COX7B2: variants seen among roughly 807,000 people sequenced by gnomAD.
COX7B2 encodes cytochrome c oxidase subunit 7B2, mitochondrial.
For synonymous variants in COX7B2, 37 were observed against 32.1 expected, an observed-to-expected ratio of 1.15 and a Z score of -0.51; for missense variants, 109 against 95.9, an observed-to-expected ratio of 1.14 and a Z score of -0.57.
intron 2 of COX7B2, among the ~76,000 whole-genome samples, chr4:46,815,175 CAAAAAAAAAAA>C (rs760743513): frequency 2.7e-5 from 2 of 75,034 alleles, no homozygotes; most frequent in Non-Finnish European, 5.4e-5. Flanking sequence ...GACTCTGTCT[CAAAAAAAAAAA>C]AAAAGAAAAA....
At chr4:46,785,552 T>C (rs527753074) in intron 2 of COX7B2, among the ~76,000 whole-genome samples, 59 of 152,278 alleles carry the variant, frequency 3.9e-4, no homozygotes, top group African/African-American at 1.4e-3. Flanking sequence ...TACAGCAATT[T>C]GATGTTTGTG....
chr4:46,847,827 C>G (rs1217984991), intron 1 of COX7B2, among the ~76,000 whole-genome samples: 1 of 151,982 alleles, frequency 6.6e-6, no homozygotes, highest in African/African-American at 2.4e-5. Flanking sequence ...ATTGAATCTT[C>G]TAGAAGCTGA....
At chr4:46,852,126 T>G (rs1348672631) in intron 1 of COX7B2, among the ~76,000 whole-genome samples, 1 of 152,100 alleles carries the variant, frequency 6.6e-6, no homozygotes, top group South Asian at 2.1e-4. Context: ...AAAATTCTAC[T>G]GTGAAAAGGG....
chr4:46,793,720 G>GTGAC, intron 2 of COX7B2, among the ~76,000 whole-genome samples: 1 of 152,326 alleles, frequency 6.6e-6, no homozygotes, highest in South Asian at 2.1e-4. Context: ...ATCTCATCCT[G>GTGAC]TGACTGACTG....
chr4:46,898,598 T>C lies in COX7B2; in HGVS notation c.-105+10562A>G, dbSNP rs371757632. The stretch of plus-strand genomic sequence containing the variant: ...ATGCCTGGCTAATTTTTTATTTTTT[T>C]ATTTTTTGTAGAGGCGGGGTCTTGC... On this transcript the variant is annotated intron_variant, in intron 1 of 2. Coordinates refer to ENST00000355591, the MANE Select transcript of COX7B2 (RefSeq NM_130902.3). Among the ~76,000 whole-genome samples the C allele has an allele frequency of 8.1e-4, 123 of 152,196 alleles. No homozygotes were observed. In the South Asian group the frequency reaches 0.015, roughly 19 times the overall value.
At chr4:46,812,014 G>T (rs1346014695) in intron 2 of COX7B2, among the ~76,000 whole-genome samples, 1 of 152,156 alleles carries the variant, frequency 6.6e-6, no homozygotes, top group East Asian at 1.9e-4. Flanking sequence ...TCACAGTGGG[G>T]AGTCTTAGCT....
chr4:46,757,725 G>A (rs1181500528), intron 2 of COX7B2, among the ~76,000 whole-genome samples: 1 of 152,078 alleles, frequency 6.6e-6, no homozygotes, highest in African/African-American at 2.4e-5. Flanking sequence ...GTTCACTGTT[G>A]TGTAAGTCTG....
At chr4:46,825,799 A>G (rs889720636) in intron 2 of COX7B2, among the ~76,000 whole-genome samples, 4 of 152,196 alleles carry the variant, frequency 2.6e-5, no homozygotes, top group Non-Finnish European at 5.9e-5. Flanking sequence ...CTATTCAATA[A>G]ATGGCGCTGG....
At chr4:46,855,632 C>T (rs1380875111) in intron 1 of COX7B2, among the ~76,000 whole-genome samples, 1 of 151,434 alleles carries the variant, frequency 6.6e-6, no homozygotes, top group Admixed American at 6.6e-5. Context: ...ACAAAAAAAA[C>T]TAAAAAAAAG....
intron 2 of COX7B2, among the ~76,000 whole-genome samples, chr4:46,786,322 T>C (rs2109569461): frequency 6.6e-6 from 1 of 152,354 alleles, no homozygotes; most frequent in East Asian, 1.9e-4. Context: ...GACTTGTACA[T>C]GTGAAACATA....
intron 2 of COX7B2, among the ~76,000 whole-genome samples, chr4:46,842,260 A>G (rs1394536779): frequency 1.3e-5 from 2 of 152,016 alleles, no homozygotes; most frequent in East Asian, 1.9e-4. Flanking sequence ...TGATTCCTCT[A>G]TGCTTTCCCT....
chr4:46,893,250 T>C (rs763681872), intron 1 of COX7B2, among the ~76,000 whole-genome samples: 6 of 152,068 alleles, frequency 3.9e-5, no homozygotes, highest in Non-Finnish European at 7.3e-5. Context: ...TATGTAATAT[T>C]ATATGTCTTT....
intron 2 of COX7B2, among the ~76,000 whole-genome samples, chr4:46,790,678 C>T (rs1717993831): frequency 6.6e-6 from 1 of 152,142 alleles, no homozygotes; most frequent in African/African-American, 2.4e-5. Flanking sequence ...TCCACCTGGA[C>T]TTTAGTATTC....
Position 46,741,177 on chromosome 4 carries a change from C to T in COX7B2, c.-49-5936G>A, listed in dbSNP as rs1714681716. Among the ~76,000 whole-genome samples, 6 of 152,020 alleles carry T rather than the reference C, an allele frequency of 3.9e-5. No homozygotes were observed. In the South Asian group the frequency reaches 1.2e-3, roughly 32 times the overall value. Reference sequence around the variant, plus strand: ...ATGTAATTTCAAGAAGAAAACAAAACAGAGTCCTATTTCTCACATTGCCCA... The same window carrying T: ...ATGTAATTTCAAGAAGAAAACAAAATAGAGTCCTATTTCTCACATTGCCCA... On this transcript the variant is annotated intron_variant, in intron 2 of 2. Coordinates refer to ENST00000355591, the MANE Select transcript of COX7B2 (RefSeq NM_130902.3).
At chr4:46,803,183 G>A (rs547522518) in intron 2 of COX7B2, among the ~76,000 whole-genome samples, 1 of 152,166 alleles carries the variant, frequency 6.6e-6, no homozygotes, top group South Asian at 2.1e-4. Flanking sequence ...GATTCTATGG[G>A]TTGTAGCATT....
chr4:46,829,816 C>T (rs1433122707), intron 2 of COX7B2, among the ~76,000 whole-genome samples: 3 of 151,998 alleles, frequency 2.0e-5, no homozygotes, highest in Admixed American at 6.6e-5. Context: ...CATAAAATAA[C>T]AGCAAAATTA....
At chr4:46,737,382 C>G (rs895006329) in intron 2 of COX7B2, among the ~76,000 whole-genome samples, 2 of 152,094 alleles carry the variant, frequency 1.3e-5, no homozygotes, top group Non-Finnish European at 2.9e-5. Context: ...TTTCTTCAAG[C>G]CTGTGGTTTG....
At chr4:46,840,894 G>C (rs568967060) in intron 2 of COX7B2, among the ~76,000 whole-genome samples, 12 of 152,016 alleles carry the variant, frequency 7.9e-5, no homozygotes, top group African/African-American at 2.9e-4. Flanking sequence ...AGTAGAGCTG[G>C]GTTTTGAAAC....
intron 1 of COX7B2, among the ~76,000 whole-genome samples, chr4:46,858,281 A>T (rs1303079619): frequency 1.3e-5 from 2 of 151,950 alleles, no homozygotes; most frequent in African/African-American, 4.8e-5. Context: ...TTTAGTAGAG[A>T]TGGGGGGGTT....
Sources: allele counts gnomAD v4.1 joint callset (sites outside exome capture counted in the v4.1 genomes callset), GRCh38; gene constraint gnomAD v4.1.1; transcripts MANE v1.5; gene names NCBI Gene and HGNC (gene_info 2026-07-23, HGNC 2026-07-21).